ARHGAP15: variants seen among roughly 807,000 people sequenced by gnomAD.
ARHGAP15 encodes the protein rho GTPase-activating protein 15.
Under a neutral mutation model 63.7 loss-of-function variants are expected in ARHGAP15, and 51 were observed. The ratio of observed to expected loss-of-function variants is 0.80; its 90% CI spans 0.64 to 1.01. The LOEUF (loss-of-function observed/expected upper bound fraction) is 1.01, where lower values mean the gene tolerates loss of function less well. Ranked by LOEUF, ARHGAP15 falls within the 50% of genes least tolerant of loss-of-function variation. ARHGAP15 has a pLI of 0.00. For missense variants in ARHGAP15, 560 were observed against 564.6 expected, an observed-to-expected ratio of 0.99 and a Z score of 0.08; for synonymous variants, 191 against 193.8, an observed-to-expected ratio of 0.99 and a Z score of 0.12.
intron 6 of ARHGAP15, among the ~76,000 whole-genome samples, chr2:143,412,214 G>A (rs540961100): frequency 7.9e-5 from 12 of 152,176 alleles, no homozygotes; most frequent in Admixed American, 3.3e-4. Context: ...GCTCTATGTC[G>A]TGTTTTTAAG....
chr2:143,209,519 CATAATTCT>C (rs1206179366), intron 3 of ARHGAP15, among the ~76,000 whole-genome samples: 1 of 151,180 alleles, frequency 6.6e-6, no homozygotes, highest in African/African-American at 2.4e-5. Flanking sequence ...TAAAGGAAGG[CATAATTCT>C]ATAAGTCCAA....
At chr2:143,621,347 T>C (rs147648234) in intron 11 of ARHGAP15, among the ~76,000 whole-genome samples, 23 of 152,006 alleles carry the variant, frequency 1.5e-4, no homozygotes, top group African/African-American at 5.3e-4. Flanking sequence ...AATATATTTG[T>C]AATAATGCCT....
chr2:143,587,995 C>G (rs1697175232), intron 11 of ARHGAP15, among the ~76,000 whole-genome samples: 1 of 152,150 alleles, frequency 6.6e-6, no homozygotes, highest in Non-Finnish European at 1.5e-5. Context: ...TCTTTCTGCT[C>G]AAGGATAATC....
chr2:143,332,099 G>A (rs749504240), intron 6 of ARHGAP15, among the ~76,000 whole-genome samples: 16 of 152,020 alleles, frequency 1.1e-4, no homozygotes, highest in African/African-American at 2.4e-4. Flanking sequence ...AACCTATTAC[G>A]TAAATAAAAT....
At chr2:143,214,902 G>A (rs1692689360) in intron 3 of ARHGAP15, among the ~76,000 whole-genome samples, 1 of 152,056 alleles carries the variant, frequency 6.6e-6, no homozygotes, top group East Asian at 1.9e-4. Flanking sequence ...CCTTTCACTT[G>A]TAGTATTGAA....
intron 8 of ARHGAP15, among the ~76,000 whole-genome samples, chr2:143,448,070 C>T (rs1210413454): frequency 6.6e-6 from 1 of 152,132 alleles, no homozygotes; most frequent in Non-Finnish European, 1.5e-5. Flanking sequence ...TGCTGTGGAA[C>T]TCTAGCAGTT....
intron 11 of ARHGAP15, among the ~76,000 whole-genome samples, chr2:143,611,208 T>C (rs1698243306): frequency 6.6e-6 from 1 of 152,182 alleles, no homozygotes; most frequent in Non-Finnish European, 1.5e-5. Context: ...AGCAGGCTGC[T>C]TATGAGCCTC....
chr2:143,547,494 G>A (rs1459009938), intron 10 of ARHGAP15, among the ~76,000 whole-genome samples: 2 of 151,876 alleles, frequency 1.3e-5, no homozygotes, highest in Non-Finnish European at 2.9e-5. Context: ...TGGAAACCAG[G>A]AAATAATATT....
At chr2:143,733,174 T>C (rs969883441) in intron 13 of ARHGAP15, among the ~76,000 whole-genome samples, 1 of 152,120 alleles carries the variant, frequency 6.6e-6, no homozygotes, top group African/African-American at 2.4e-5. Context: ...AGGAGGTCAG[T>C]TGGGAGAAGA....
At chr2:143,437,545 A>C (rs1315732204) in intron 8 of ARHGAP15, among the ~76,000 whole-genome samples, 1 of 152,224 alleles carries the variant, frequency 6.6e-6, no homozygotes, top group East Asian at 1.9e-4. Flanking sequence ...CTCCAAGGTC[A>C]CACCTAGTTC....
chr2:143,707,698 A>G (rs1684393843), intron 13 of ARHGAP15, among the ~76,000 whole-genome samples: 2 of 152,216 alleles, frequency 1.3e-5, no homozygotes, highest in South Asian at 2.1e-4. Context: ...AACAGTGAGC[A>G]TTTGGAGACA....
intron 12 of ARHGAP15, among the ~76,000 whole-genome samples, chr2:143,644,634 T>A (rs184456761): frequency 6.6e-6 from 1 of 152,152 alleles, no homozygotes; most frequent in East Asian, 1.9e-4. Flanking sequence ...CCAACTGAAT[T>A]TTTACAGTGA....
chr2:143,748,395 A>T lies in ARHGAP15; in HGVS notation c.1245-19594A>T, dbSNP rs188152494. On this transcript the variant is annotated intron_variant, in intron 13 of 13. Transcript: ENST00000295095. ...ATTGATAACTAAATCACTCTAATATAGGGGGAAAGAAAAGCTGCCCTGCCA... is the reference window on the plus strand; with the variant it reads ...ATTGATAACTAAATCACTCTAATATTGGGGGAAAGAAAAGCTGCCCTGCCA... Among the ~76,000 whole-genome samples the T allele has an allele frequency of 5.8e-3, 888 of 152,262 alleles. 3 individuals are homozygous for T. Among genetic ancestry groups the T allele is most frequent in the South Asian group, 9.5e-3 (46 of 4,820 alleles).
At chr2:143,606,512 C>G (rs960581540) in intron 11 of ARHGAP15, among the ~76,000 whole-genome samples, 2 of 152,186 alleles carry the variant, frequency 1.3e-5, no homozygotes, top group African/African-American at 4.8e-5. Context: ...ACACCCCAGT[C>G]TGATCTCTGC....
intron 6 of ARHGAP15, among the ~76,000 whole-genome samples, chr2:143,304,147 A>G (rs989629899): frequency 1.3e-5 from 2 of 152,148 alleles, no homozygotes; most frequent in Non-Finnish European, 2.9e-5. Context: ...ATAAAGACAC[A>G]TGCACACGTA....
At chr2:143,228,517 T>A in intron 4 of ARHGAP15, 64 bp from the exon 5 acceptor site, 1 of 1,115,968 alleles carries the variant, frequency 9.0e-7, no homozygotes, top group African/African-American at 1.6e-5. Context: ...TTGCTCATAC[T>A]GTATCTATAA....
intron 11 of ARHGAP15, among the ~76,000 whole-genome samples, chr2:143,590,763 T>C (rs1204978479): frequency 6.6e-6 from 1 of 152,200 alleles, no homozygotes; most frequent in Admixed American, 6.5e-5. Context: ...GCATCTAGTA[T>C]ATTACTTGGG....
intron 6 of ARHGAP15, among the ~76,000 whole-genome samples, chr2:143,393,625 G>A (rs1687628962): frequency 6.6e-6 from 1 of 151,778 alleles, no homozygotes; most frequent in African/African-American, 2.4e-5. Flanking sequence ...AGCTACTTGG[G>A]AGGCTGAGGC....
intron 10 of ARHGAP15, among the ~76,000 whole-genome samples, chr2:143,519,926 A>G (rs1177200077): frequency 1.3e-5 from 2 of 152,218 alleles, no homozygotes; most frequent in East Asian, 3.8e-4. Context: ...ATTTCATCTT[A>G]CTGAAGGGAA....
Sources: allele counts gnomAD v4.1 joint callset (sites outside exome capture counted in the v4.1 genomes callset), GRCh38; gene constraint gnomAD v4.1.1; transcripts MANE v1.5; gene names NCBI Gene and HGNC (gene_info 2026-07-23, HGNC 2026-07-21).